The following RTKN2 variants were observed in gnomAD, a reference collection of about 807,000 sequenced individuals.
The protein encoded by RTKN2 is rhotekin-2.
A neutral mutation model predicts 71.5 loss-of-function variants in RTKN2; 69 were observed. The observed-to-expected ratio is 0.96, with a 90% CI of 0.79 to 1.18. RTKN2 has a LOEUF of 1.18. Among genes scored for constraint, RTKN2 ranks in the 50% most tolerant of loss-of-function variants. The pLI is 0.00. For missense variants in RTKN2, 724 were observed against 719.7 expected, an observed-to-expected ratio of 1.01 and a Z score of -0.07; for synonymous variants, 236 against 236.5, an observed-to-expected ratio of 1.00 and a Z score of 0.02.
chr10:62,205,698 G>A (rs1013817297), intron 9 of RTKN2, among the ~76,000 whole-genome samples: 4 of 152,120 alleles, frequency 2.6e-5, no homozygotes, highest in Non-Finnish European at 5.9e-5. Flanking sequence ...CACGCTGATA[G>A]TCTAAACCTT....
At chr10:62,184,279 A>G (rs1451386763) in exon 9 of RTKN2, 1 of 1,242,638 alleles carries the variant, frequency 8.0e-7, no homozygotes, top group African/African-American at 1.5e-5. Flanking sequence ...GTCACATTGT[A>G]TTTTAAATTT....
chr10:62,188,367 C>G (rs1353774287), downstream of RTKN2, among the ~76,000 whole-genome samples: 1 of 152,160 alleles, frequency 6.6e-6, no homozygotes, highest in Non-Finnish European at 1.5e-5. Context: ...GAGAGGGAAA[C>G]AGCAAGGGTG....
chr10:62,184,248 C>T (rs1379089108), exon 9 of RTKN2: 24 of 995,132 alleles, frequency 2.4e-5, no homozygotes, highest in Non-Finnish European at 3.5e-5. Context: ...CCTCATGAAG[C>T]TTACATTCTA....
In RTKN2 at chr10:62,196,381, A is replaced by C; in HGVS notation, c.*1527T>G. The C allele has an allele frequency of 2.0e-6, 2 of 984,958 alleles. No homozygotes were observed. Among genetic ancestry groups the C allele is most frequent in the Non-Finnish European group, 2.4e-6 (2 of 829,492 alleles). The allele number at this position is 984,958 out of a possible 1,614,324, so 61.0% of individuals were successfully genotyped here. On this transcript the variant is annotated 3_prime_UTR_variant, in exon 12 of 12. Coordinates refer to ENST00000373789, the MANE Select transcript of RTKN2 (RefSeq NM_145307.4). ...AAACTCTGTCTGTCCTGATGTTACC[A>C]GTCACAAGAAACCTTTTGTTATCAT...
Position 62,193,662 on chromosome 10 carries a change from G to A in RTKN2, c.*4246C>T, listed in dbSNP as rs2132771226. 2.0e-6 allele frequency: 2 copies of A among 985,130 alleles called. No individual in the cohort carries two copies. The highest frequency in any genetic ancestry group is 4.7e-5 in the South Asian group (1 of 21,270). The allele number at this position is 985,130 out of a possible 1,614,324, so 61.0% of individuals were successfully genotyped here. ...CTGCAGGAATAAAGTACTGAGGGAG[G>A]TACATTAAAATAAGGAGACTCCTTG... On this transcript the variant is annotated 3_prime_UTR_variant, in exon 12 of 12. Coordinates refer to ENST00000373789, the MANE Select transcript of RTKN2 (RefSeq NM_145307.4).
At chr10:62,252,847 T>C (rs1246364175) in intron 2 of RTKN2, among the ~76,000 whole-genome samples, 2 of 152,032 alleles carry the variant, frequency 1.3e-5, no homozygotes, top group African/African-American at 4.8e-5. Context: ...GGGCATTATA[T>C]AGTTATCGGT....
At chr10:62,184,368 T>G in exon 9 of RTKN2, 2 of 1,542,284 alleles carry the variant, frequency 1.3e-6, no homozygotes, top group Non-Finnish European at 1.8e-6. Flanking sequence ...CTGGAGATTA[T>G]GTAGTTGATT....
chr10:62,191,884 T>C (rs1371014945), downstream of RTKN2, among the ~76,000 whole-genome samples: 1 of 152,100 alleles, frequency 6.6e-6, no homozygotes, highest in Non-Finnish European at 1.5e-5. Context: ...ACTAAGTTAC[T>C]GTGTGTGTGT....
chr10:62,244,834 G>A (rs945312251), intron 3 of RTKN2, among the ~76,000 whole-genome samples: 2 of 152,134 alleles, frequency 1.3e-5, no homozygotes, highest in Non-Finnish European at 2.9e-5. Context: ...TTAGCTGAAT[G>A]CAATTCTTCA....
chr10:62,236,252 C>T lies in RTKN2; in HGVS notation c.500G>A (p.Gly167Glu), dbSNP rs1842256997. The T allele has an allele frequency of 6.2e-7, 1 of 1,603,748 alleles. No individual in the cohort carries two copies. The highest frequency in any genetic ancestry group is 1.7e-5 in the Admixed American group (1 of 58,922). ...FENVTIFNEA[G>E]PDFQIKVEVY... ...TTCCACCTTTATCTGAAAGTCTGGCCCTGCTTCATTACTAAAAACAAGGGC... is the reference window on the plus strand; with the variant it reads ...TTCCACCTTTATCTGAAAGTCTGGCTCTGCTTCATTACTAAAAACAAGGGC... Residue 167 changes from glycine to glutamate, a missense_variant, in exon 6 of 12, where the codon GGG becomes GAG. Transcript: ENST00000373789.
intron 6 of RTKN2, among the ~76,000 whole-genome samples, chr10:62,224,975 A>C (rs1005666378): frequency 6.6e-6 from 1 of 152,164 alleles, no homozygotes; most frequent in South Asian, 2.1e-4. Flanking sequence ...AAGTTGATAA[A>C]AAGTGGAATG....
At chr10:62,240,076 A>G (rs989898479) in intron 4 of RTKN2, among the ~76,000 whole-genome samples, 5 of 152,162 alleles carry the variant, frequency 3.3e-5, no homozygotes, top group African/African-American at 1.2e-4. Flanking sequence ...AGTAAACTTT[A>G]TATACACACA....
Position 62,196,307 on chromosome 10 carries a change from T to C in RTKN2, c.*1601A>G. ...CTTTTTAAGGTTTCCATACATGTGATGATCTCTACATGCTATCAAGCAGGC... is the reference window on the plus strand; with the variant it reads ...CTTTTTAAGGTTTCCATACATGTGACGATCTCTACATGCTATCAAGCAGGC... On this transcript the variant is annotated 3_prime_UTR_variant, in exon 12 of 12. Transcript: ENST00000373789. The C allele has an allele frequency of 1.0e-6, 1 of 983,700 alleles. No homozygotes were observed. The highest frequency in any genetic ancestry group is 1.2e-6 in the Non-Finnish European group (1 of 828,366). The allele number at this position is 983,700 out of a possible 1,614,324, so 60.9% of individuals were successfully genotyped here.
chr10:62,218,553 A>C (rs1841830467), intron 7 of RTKN2, among the ~76,000 whole-genome samples: 1 of 152,186 alleles, frequency 6.6e-6, no homozygotes, highest in Non-Finnish European at 1.5e-5. Context: ...CACCTGAATA[A>C]AAATGAACTG....
rs1841290387 is a variant in RTKN2 at position 62,194,854 on chromosome 10, A to G, written c.*3054T>C. The G allele has an allele frequency of 1.0e-6, 1 of 985,034 alleles. No homozygotes were observed. The highest frequency in any genetic ancestry group is 1.2e-6 in the Non-Finnish European group (1 of 829,654). The allele number at this position is 985,034 out of a possible 1,614,324, so 61.0% of individuals were successfully genotyped here. A position where few individuals can be genotyped will look rare whatever the true frequency, so the allele number is the denominator to read the frequency against. On this transcript the variant is annotated 3_prime_UTR_variant, in exon 12 of 12. Transcript: ENST00000373789. ...TTTAGTAAGATCCCAAAGGGTAAAG[A>G]TAAGGCATTTATAATAAATGGATTT...
At chr10:62,260,533 T>C (rs1261553376) in intron 2 of RTKN2, among the ~76,000 whole-genome samples, 2 of 94,670 alleles carry the variant, frequency 2.1e-5, no homozygotes, top group Non-Finnish European at 2.3e-5. Flanking sequence ...TGAACAAATA[T>C]ATGTGTGTGT....
intron 6 of RTKN2, 89 bp downstream of exon 6, chr10:62,235,977 T>C (rs1457927313): frequency 1.0e-6 from 1 of 970,062 alleles, no homozygotes; most frequent in African/African-American, 1.7e-5. Flanking sequence ...TTTTTCCATT[T>C]ATAAAGTAAA....
At position 62,193,823 on chromosome 10, in the gene RTKN2, T is replaced by C. The variant is rs991391496; in HGVS notation, c.*4085A>G. ...AAAGAGTATACTTTAAGAAGGATTA[T>C]ATGTAAACATTTTAATAATGTTAAT... On this transcript the variant is annotated 3_prime_UTR_variant, in exon 12 of 12. Transcript: ENST00000373789. 3.6e-5 allele frequency: 35 copies of C among 975,488 alleles called. No individual in the cohort carries two copies. The highest frequency in any genetic ancestry group is 3.8e-5 in the Non-Finnish European group (31 of 821,000). 60.4% of individuals were successfully genotyped at this position (975,488 alleles called of 1,614,324 possible).
intron 10 of RTKN2, among the ~76,000 whole-genome samples, chr10:62,201,223 G>A (rs1841434657): frequency 6.6e-6 from 1 of 151,904 alleles, no homozygotes; most frequent in Admixed American, 6.6e-5. Flanking sequence ...TAAAAACTAA[G>A]GACACTTCAT....
Sources: allele counts gnomAD v4.1 joint callset (sites outside exome capture counted in the v4.1 genomes callset), GRCh38; gene constraint gnomAD v4.1.1; transcripts MANE v1.5; gene names NCBI Gene and HGNC (gene_info 2026-07-23, HGNC 2026-07-21).